CYP4A11: variants seen among roughly 807,000 people sequenced by gnomAD.
CYP4A11 encodes the protein cytochrome P450 4A11.
CYP4A11 carries 52 observed loss-of-function variants against 57.7 expected under a neutral mutation model. The ratio of observed to expected loss-of-function variants is 0.90; its 90% CI spans 0.72 to 1.14. The LOEUF (loss-of-function observed/expected upper bound fraction) is 1.14. Ranked by LOEUF, CYP4A11 falls within the 50% of genes most tolerant of loss-of-function variation. CYP4A11 has a pLI of 0.00. For missense variants in CYP4A11, 641 were observed against 642.1 expected (o/e 1.00, Z 0.02); for synonymous variants, 228 against 247.1 (o/e 0.92, Z 0.72).
At chr1:46,930,589 C>G (rs2148449915) in intron 11 of CYP4A11, among the ~76,000 whole-genome samples, 1 of 152,332 alleles carries the variant, frequency 6.6e-6, no homozygotes, top group East Asian at 1.9e-4. Context: ...AAGGCCAGGG[C>G]TCTAAGGCAC....
At position 46,933,980 on chromosome 1, in the gene CYP4A11, G is replaced by A. The variant is rs138508909; in HGVS notation, c.1188C>T (p.Pro396=). The A allele has an allele frequency of 2.1e-4, 334 of 1,614,110 alleles. 2 individuals are homozygous for A. Among genetic ancestry groups the A allele is most frequent in the African/African-American group, 7.3e-4 (55 of 75,012 alleles). Residue 396 remains proline, a synonymous_variant, in exon 9 of 12, where the codon CCC becomes CCT. Transcript: ENST00000310638. ...AGGAGCGCCCATCAGGGAAGGTGAC[G>A]GGAGTGCTGAGCTCTCTGCCAATGC... ...VPGIGRELST[P]VTFPDGRSLP...
chr1:46,934,954 T>C (rs764739638), intron 6 of CYP4A11, 46 bp downstream of exon 6: 2 of 1,597,412 alleles, frequency 1.3e-6, no homozygotes, highest in South Asian at 2.3e-5. Flanking sequence ...GCAAGTTCTT[T>C]CGCTGTGCCT....
chr1:46,932,960 T>G, intron 10 of CYP4A11, 23 bp downstream of exon 10: 1 of 1,614,140 alleles, frequency 6.2e-7, no homozygotes. Flanking sequence ...TCACCTCATT[T>G]CCTCCTCTCA....
rs770625688 is a variant in CYP4A11, at chr1:46,941,309, T to C, written c.125A>G (p.Gln42Arg). The change falls in exon 1 of 12, where the codon CAG becomes CGG. Residue 42 changes from glutamine (Q) to arginine (R), a missense_variant. By Grantham distance (43) the Gln-to-Arg change is conservative. Transcript: ENST00000310638. ...IKAVQLYLHRQWLLKALQQFP... is the reference protein window; with the variant it reads ...IKAVQLYLHRRWLLKALQQFP... ...CTGCTGGAGGGCTTTGAGCAGCCAC[T>C]GCCTGTGCAGGTAGAGCTGAACTGC... 29 of 1,614,038 alleles carry C rather than the reference T, an allele frequency of 1.8e-5. No individual in the cohort carries two copies. Among genetic ancestry groups the C allele is most frequent in the Non-Finnish European group, 2.4e-5 (28 of 1,180,032 alleles).
At chr1:46,936,160 A>C (rs931197151) in intron 4 of CYP4A11, among the ~76,000 whole-genome samples, 15 of 152,226 alleles carry the variant, frequency 9.9e-5, no homozygotes, top group Non-Finnish European at 2.2e-4. Context: ...CAGAGTCCTG[A>C]CTGGAGATGA....
At chr1:46,936,847 G>T in intron 3 of CYP4A11, 56 bp from the exon 4 acceptor site, 1 of 1,543,660 alleles carries the variant, frequency 6.5e-7, no homozygotes, top group Non-Finnish European at 8.8e-7. Context: ...GTGTGTGTCA[G>T]GGGCTGCAAG....
At chr1:46,931,984 A>T (rs1266275862) in intron 11 of CYP4A11, 11 of 985,114 alleles carry the variant, frequency 1.1e-5, no homozygotes, top group Middle Eastern at 5.2e-4. Context: ...TATGATAATT[A>T]TTGGGCTTTT....
chr1:46,935,939 G>T (rs1681362345), intron 4 of CYP4A11, among the ~76,000 whole-genome samples: 1 of 152,234 alleles, frequency 6.6e-6, no homozygotes, highest in South Asian at 2.1e-4. Context: ...ACATATGGTT[G>T]TGAAAATTGT....
At chr1:46,933,775 C>G in intron 9 of CYP4A11, 171 bp downstream of exon 9, 2 of 1,192,644 alleles carry the variant, frequency 1.7e-6, no homozygotes, top group Non-Finnish European at 2.3e-6. Context: ...TGGGTTCAAG[C>G]TCTCAGCCAG....
chr1:46,940,982 G>A, intron 1 of CYP4A11: 1 of 985,354 alleles, frequency 1.0e-6, no homozygotes, highest in Non-Finnish European at 1.2e-6. Context: ...CCCTCCACAT[G>A]CAGGACTGCC....
chr1:46,937,404 G>C, intron 2 of CYP4A11, 58 bp from the exon 3 acceptor site: 1 of 1,562,860 alleles, frequency 6.4e-7, no homozygotes, highest in Non-Finnish European at 8.8e-7. Context: ...GGCAGTCTTA[G>C]AGGCTGCATC....
chr1:46,939,057 T>C (rs941875050), intron 1 of CYP4A11, among the ~76,000 whole-genome samples: 1 of 152,240 alleles, frequency 6.6e-6, no homozygotes, highest in Admixed American at 6.5e-5. Flanking sequence ...TCTCCTCAGC[T>C]TTCAAGACTC....
At chr1:46,932,107 G>A (rs1473973398) in intron 11 of CYP4A11, 20 of 979,602 alleles carry the variant, frequency 2.0e-5, no homozygotes, top group South Asian at 1.4e-4. Flanking sequence ...TTTGTCAAAC[G>A]GGAAAATAGA....
At chr1:46,930,860 A>C (rs1570048350) in intron 11 of CYP4A11, among the ~76,000 whole-genome samples, 1 of 151,932 alleles carries the variant, frequency 6.6e-6, no homozygotes. Context: ...GTGTTGCCCC[A>C]CCTGCCTCCC....
chr1:46,932,371 G>A, intron 11 of CYP4A11: 2 of 1,103,178 alleles, frequency 1.8e-6, no homozygotes, highest in Non-Finnish European at 2.2e-6. Context: ...TGTGTGGGGG[G>A]AGAGAAATCT....
rs372123144 is a variant in CYP4A11, at chr1:46,935,030, G to A, written c.760C>T (p.Arg254Cys). ...SLTSAGRWTH[R>C]ACQLAHQHTD... Reference sequence around the variant, plus strand: ...TGCTGATGGGCCAGCTGGCAGGCGCGGTGTGTCCAGCGGCCAGCAGAGGTC... The same window carrying A: ...TGCTGATGGGCCAGCTGGCAGGCGCAGTGTGTCCAGCGGCCAGCAGAGGTC... The change falls in exon 6 of 12, where the codon CGC (arginine) becomes TGC (cysteine). Residue 254 changes from arginine to cysteine, a missense_variant. Transcript: ENST00000310638. 9.9e-6 allele frequency: 16 copies of A among 1,614,096 alleles called. No individual in the cohort carries two copies. In the South Asian group the frequency reaches 1.2e-4, roughly 12 times the overall value.
chr1:46,935,798 T>C lies in CYP4A11; in HGVS notation c.511-151A>G, dbSNP rs571502120. On this transcript the variant is annotated intron_variant, in intron 4 of 11. Coordinates refer to ENST00000310638, the MANE Select transcript of CYP4A11 (RefSeq NM_000778.4). The stretch of plus-strand genomic sequence containing the variant: ...TTCCTCACTTTACAGAGCAGATGCA[T>C]TGTAGAAACTGAGACTGTAAAGCCA... 1.8e-4 allele frequency: 264 copies of C among 1,449,684 alleles called. 1 individual carries two copies. In the African/African-American group the frequency reaches 3.4e-3, roughly 19 times the overall value. 89.8% of individuals were successfully genotyped at this position (1,449,684 alleles called of 1,614,324 possible).
At chr1:46,931,986 TG>T in intron 11 of CYP4A11, 1 of 985,312 alleles carries the variant, frequency 1.0e-6, no homozygotes, top group Non-Finnish European at 1.2e-6. Flanking sequence ...TGATAATTAT[TG>T]GGCTTTTCTC....
chr1:46,933,820 G>T (rs1681184650), intron 9 of CYP4A11, 126 bp downstream of exon 9: 4 of 1,428,408 alleles, frequency 2.8e-6, no homozygotes, highest in Non-Finnish European at 2.8e-6. Flanking sequence ...TACAAAGTAT[G>T]TTTTTGATTT....
Sources: gnomAD v4.1 joint callset for allele counts (sites outside exome capture counted in the v4.1 genomes callset) on GRCh38, gnomAD v4.1.1 for gene constraint, MANE v1.5 for transcripts, NCBI Gene and HGNC (gene_info 2026-07-23, HGNC 2026-07-21) for gene names.